Variants in CAPS2 observed in about 807,000 individuals in gnomAD.
CAPS2 encodes the protein calcyphosin-2.
A neutral mutation model predicts 86.5 loss-of-function variants in CAPS2; 98 were observed. That is an observed-to-expected ratio of 1.13 (90% CI 0.96 to 1.34). The LOEUF (loss-of-function observed/expected upper bound fraction) is 1.34, where lower values mean the gene tolerates loss of function less well. Among genes scored for constraint, CAPS2 ranks in the 40% most tolerant of loss-of-function variants. The pLI is 0.00. For synonymous variants in CAPS2, 210 were observed against 225.1 expected, an observed-to-expected ratio of 0.93 and a Z score of 0.60; for missense variants, 729 against 686.8, an observed-to-expected ratio of 1.06 and a Z score of -0.69.
At chr12:75,323,117 T>C in intron 3 of CAPS2, 60 bp downstream of exon 4, 1 of 1,500,086 alleles carries the variant, frequency 6.7e-7, no homozygotes. Flanking sequence ...ATATTTCTTA[T>C]ATGCTATGTG....
chr12:75,284,836 T>C, intron 15 of CAPS2, 125 bp downstream of exon 15: 1 of 867,348 alleles, frequency 1.2e-6, no homozygotes, highest in Non-Finnish European at 1.7e-6. Flanking sequence ...TTTTCTGTTT[T>C]ACTAAACCCA....
chr12:75,296,427 GACT>G (rs2036893202), intron 11 of CAPS2, among the ~76,000 whole-genome samples: 3 of 152,070 alleles, frequency 2.0e-5, no homozygotes, highest in South Asian at 4.1e-4. Flanking sequence ...GAGTAGCTGG[GACT>G]ACAGGTGCCC....
intron 8 of CAPS2, among the ~76,000 whole-genome samples, chr12:75,302,158 T>C (rs1290450839): frequency 4.6e-5 from 7 of 152,070 alleles, no homozygotes; most frequent in African/African-American, 1.7e-4. Flanking sequence ...AGCAGAACTC[T>C]CTCCTCCTCT....
intron 9 of CAPS2, 30 bp downstream of exon 9, chr12:75,299,807 G>T: frequency 1.9e-6 from 2 of 1,076,432 alleles, no homozygotes; most frequent in Non-Finnish European, 2.8e-6. Flanking sequence ...ATAATCATAG[G>T]ATTAAAAATT....
chr12:75,282,880 AC>A (rs1367288477), intron 15 of CAPS2, among the ~76,000 whole-genome samples: 1 of 152,142 alleles, frequency 6.6e-6, no homozygotes, highest in East Asian at 1.9e-4. Context: ...AGAAAGTTCT[AC>A]CACTTTCTAG....
intron 8 of CAPS2, among the ~76,000 whole-genome samples, chr12:75,300,439 T>G (rs4882685): frequency 1.3e-5 from 2 of 150,766 alleles, no homozygotes; most frequent in Non-Finnish European, 3.0e-5. Flanking sequence ...GCCCGTAGTC[T>G]CAGCTACTCA....
chr12:75,357,068 G>C (rs936022565), intron 1 of CAPS2, among the ~76,000 whole-genome samples: 1 of 152,132 alleles, frequency 6.6e-6, no homozygotes, highest in African/African-American at 2.4e-5. Context: ...GCACATGCCT[G>C]TAGTTCAGTT....
chr12:75,342,533 T>C (rs2095089178), intron 1 of CAPS2, among the ~76,000 whole-genome samples: 1 of 152,220 alleles, frequency 6.6e-6, no homozygotes, highest in Non-Finnish European at 1.5e-5. Context: ...CTGGACTCTG[T>C]TCTGTTCCAT....
At chr12:75,284,159 A>G (rs2138092388) in intron 15 of CAPS2, among the ~76,000 whole-genome samples, 1 of 152,326 alleles carries the variant, frequency 6.6e-6, no homozygotes, top group South Asian at 2.1e-4. Flanking sequence ...CAGGAAGGAC[A>G]TGGAAAGTAC....
At chr12:75,338,652 G>A (rs1478926656) in intron 1 of CAPS2, among the ~76,000 whole-genome samples, 1 of 151,914 alleles carries the variant, frequency 6.6e-6, no homozygotes, top group East Asian at 1.9e-4. Flanking sequence ...TTGTTACACA[G>A]GTGAACATAT....
At chr12:75,297,362 A>C in intron 11 of CAPS2, among the ~76,000 whole-genome samples, 1 of 152,176 alleles carries the variant, frequency 6.6e-6, no homozygotes, top group East Asian at 1.9e-4. Flanking sequence ...ATAAGATGTA[A>C]AATTTTTCCT....
intron 1 of CAPS2, among the ~76,000 whole-genome samples, chr12:75,354,174 G>T (rs367811603): frequency 4.2e-5 from 6 of 142,864 alleles, no homozygotes; most frequent in East Asian, 2.1e-4. Flanking sequence ...AAAGGGGGGG[G>T]GGTATTCAAA....
chr12:75,321,576 C>T (rs549312353), exon 5 of CAPS2: 29 of 1,528,720 alleles, frequency 1.9e-5, no homozygotes, highest in Non-Finnish European at 2.6e-5. Context: ...ATGTTCTGAT[C>T]CTATAGGTAA....
chr12:75,377,840 G>GAT (rs71078726), intron 1 of CAPS2, among the ~76,000 whole-genome samples: 49,162 of 146,738 alleles, frequency 0.34, 7,999 homozygotes, highest in Middle Eastern at 0.42. Flanking sequence ...AACCATCACA[G>GAT]ATATATATAT....
intron 7 of CAPS2, among the ~76,000 whole-genome samples, chr12:75,310,402 T>C (rs2039016928): frequency 6.6e-6 from 1 of 152,154 alleles, no homozygotes; most frequent in African/African-American, 2.4e-5. Flanking sequence ...ACATATAAAT[T>C]TCTGGGGAAA....
intron 1 of CAPS2, chr12:75,364,888 A>T (rs950374819): frequency 2.0e-5 from 3 of 152,152 alleles, no homozygotes; most frequent in African/African-American, 7.2e-5. Flanking sequence ...GGGTATCTTT[A>T]TATTCTTTCA....
chr12:75,333,602 T>C (rs1308406982), upstream of CAPS2, among the ~76,000 whole-genome samples: 1 of 152,210 alleles, frequency 6.6e-6, no homozygotes, highest in Non-Finnish European at 1.5e-5. Flanking sequence ...CCCAGTAGAA[T>C]TTCCATTAGG....
At chr12:75,306,280 G>T in intron 7 of CAPS2, 1 of 611,540 alleles carries the variant, frequency 1.6e-6, no homozygotes, top group South Asian at 1.8e-5. Flanking sequence ...TCCGGATACT[G>T]GGAAGCTATG....
intron 1 of CAPS2, among the ~76,000 whole-genome samples, chr12:75,374,660 C>A (rs538066969): frequency 6.6e-6 from 1 of 152,166 alleles, no homozygotes; most frequent in East Asian, 1.9e-4. Flanking sequence ...TTTCTGCAAA[C>A]AAGATTATGA....
Sources: gnomAD v4.1 joint callset for allele counts (sites outside exome capture counted in the v4.1 genomes callset) on GRCh38, gnomAD v4.1.1 for gene constraint, MANE v1.5 for transcripts, NCBI Gene and HGNC (gene_info 2026-07-23, HGNC 2026-07-21) for gene names.